The following ADD2 variants were observed in gnomAD, a reference collection of about 807,000 sequenced individuals.
The protein encoded by ADD2 is adducin 2.
Under a neutral mutation model 83.0 loss-of-function variants are expected in ADD2, and 23 were observed. That is an observed-to-expected ratio of 0.28 (90% CI 0.20 to 0.39). The LOEUF (loss-of-function observed/expected upper bound fraction) is 0.39. Ranked by LOEUF, ADD2 falls within the 10% of genes least tolerant of loss-of-function variation. The pLI, the probability that ADD2 is intolerant of heterozygous loss-of-function variation, is 1.00. For synonymous variants in ADD2, 375 were observed against 375.4 expected (o/e 1.00, Z 0.01); for missense variants, 758 against 944.9 (o/e 0.80, Z 2.59).
chr2:70,664,959 A>C (rs1477425816), intron 15 of ADD2, among the ~76,000 whole-genome samples: 3 of 150,568 alleles, frequency 2.0e-5, no homozygotes, highest in African/African-American at 7.3e-5. Context: ...AGTGCACATG[A>C]GCATATGCGA....
intron 14 of ADD2, among the ~76,000 whole-genome samples, chr2:70,674,474 T>C (rs1670037269): frequency 6.6e-6 from 1 of 152,226 alleles, no homozygotes; most frequent in Non-Finnish European, 1.5e-5. Context: ...AACTCCTTTA[T>C]GCCCGGTAAG....
Position 70,710,888 on chromosome 2 carries a change from T to C in ADD2, c.-35+2178A>G, listed in dbSNP as rs139465882. Among the ~76,000 whole-genome samples, 13 of 152,364 alleles carry C rather than the reference T, an allele frequency of 8.5e-5. No homozygotes were observed. The South Asian group carries it at 2.5e-3, about 29-fold the overall frequency. On this transcript the variant is annotated intron_variant, in intron 2 of 15. Coordinates refer to ENST00000264436, the MANE Select transcript of ADD2 (RefSeq NM_001617.4). ...AAGTGCTATTAACTATTTACTCTTA[T>C]CATGTGTGATTGAGGGGCTTAAGTC...
At chr2:70,731,269 A>G (rs1362838245) in intron 1 of ADD2, among the ~76,000 whole-genome samples, 1 of 151,992 alleles carries the variant, frequency 6.6e-6, no homozygotes, top group African/African-American at 2.4e-5. Context: ...CAGGGTCTAC[A>G]CAGGACTACC....
At chr2:70,764,172 G>A (rs1212355596) in intron 1 of ADD2, among the ~76,000 whole-genome samples, 1 of 151,778 alleles carries the variant, frequency 6.6e-6, no homozygotes, top group Non-Finnish European at 1.5e-5. Flanking sequence ...ACAGGCGTGA[G>A]CCACCGCGCC....
intron 1 of ADD2, among the ~76,000 whole-genome samples, chr2:70,730,604 A>T (rs535544051): frequency 1.4e-4 from 21 of 152,250 alleles, no homozygotes; most frequent in Non-Finnish European, 2.6e-4. Context: ...TCTTTGCCTG[A>T]AGTTCAATCA....
At position 70,727,932 on chromosome 2, in the gene ADD2, T is replaced by A. The variant is rs78780117; in HGVS notation, c.-153-14748A>T. The stretch of plus-strand genomic sequence containing the variant: ...ATAAATAAATAAATAAATAAATAAA[T>A]AAAATGCAGAATTGCCAGGGAAGAG... On this transcript the variant is annotated intron_variant, in intron 1 of 15. Coordinates refer to ENST00000264436, the MANE Select transcript of ADD2 (RefSeq NM_001617.4). Among the ~76,000 whole-genome samples the A allele has an allele frequency of 4.4e-3, 601 of 135,898 alleles. 5 individuals carry two copies. Among genetic ancestry groups the A allele is most frequent in the African/African-American group, 0.015 (562 of 36,942 alleles). The allele number at this position is 135,898 out of a possible 152,430, so 89.2% of individuals were successfully genotyped here.
At chr2:70,694,278 C>T (rs1277387800) in intron 6 of ADD2, among the ~76,000 whole-genome samples, 1 of 152,200 alleles carries the variant, frequency 6.6e-6, no homozygotes, top group Admixed American at 6.5e-5. Context: ...AGCAGGCCTA[C>T]TAAGCATAGA....
In ADD2 at chr2:70,662,469, G is replaced by GA. The variant is rs1403089689; in HGVS notation, c.*955dup. 2.4e-4 allele frequency: 36 copies of GA among 152,300 alleles called. No individual in the cohort carries two copies. The highest frequency in any genetic ancestry group is 8.2e-4 in the African/African-American group (34 of 41,540). 9.4% of individuals were successfully genotyped at this position (152,300 alleles called of 1,614,324 possible). On this transcript the variant is annotated 3_prime_UTR_variant, in exon 16 of 16. Coordinates refer to ENST00000264436, the MANE Select transcript of ADD2 (RefSeq NM_001617.4). ...TTCTGGGGGTGAGGGAAGGTCAGGG[G>GA]AAACCTGACCACTGGACAGGAGTGA...
At chr2:70,698,401 C>T (rs1422625578) in intron 4 of ADD2, among the ~76,000 whole-genome samples, 1 of 152,220 alleles carries the variant, frequency 6.6e-6, no homozygotes, top group African/African-American at 2.4e-5. Flanking sequence ...TCAAAAGGAG[C>T]TCCCGATCCC....
Position 70,674,745 on chromosome 2 carries a change from G to A in ADD2, c.1674C>T (p.Ser558=). The change falls in exon 14 of 16, where the codon AGC becomes AGT. Residue 558 remains serine, a synonymous_variant. Transcript: ENST00000264436. ...DSEETVPNPF[S]QLTDQELEEY... is the part of the protein sequence containing the mutation. ...CCTCCAACTCCTGGTCAGTGAGTTG[G>A]CTGAAGGGGTTGGGCACCGTCTCCT... The A allele has an allele frequency of 6.2e-7, 1 of 1,614,078 alleles. No individual in the cohort carries two copies. Among genetic ancestry groups the A allele is most frequent in the Admixed American group, 1.7e-5 (1 of 60,018 alleles).
intron 1 of ADD2, among the ~76,000 whole-genome samples, chr2:70,755,961 A>G (rs77032832): frequency 6.6e-6 from 1 of 151,502 alleles, no homozygotes; most frequent in African/African-American, 2.4e-5. Flanking sequence ...TGGGAGGCTG[A>G]GGCAGGAGAA....
In ADD2 at chr2:70,683,639, C is replaced by T. The variant is rs1405352677; in HGVS notation, c.1077G>A (p.Arg359=). ...GGGCCTCAAACTCATGCTCCCCCAG[C>T]CGACTCTTCTGCATAGGCCCAAAGG... ...GSTFGPMQKS[R]LGEHEFEALM... is the part of the protein sequence containing the mutation. Residue 359 remains arginine (R), a synonymous_variant, in exon 10 of 16, where the codon CGG becomes CGA. Coordinates refer to ENST00000264436, the MANE Select transcript of ADD2 (RefSeq NM_001617.4). The T allele has an allele frequency of 1.1e-5, 18 of 1,613,922 alleles. No homozygotes were observed. Among genetic ancestry groups the T allele is most frequent in the Non-Finnish European group, 1.4e-5 (17 of 1,179,938 alleles).
At chr2:70,704,284 C>CCCCCCAAAAAAAA in intron 4 of ADD2, 37 bp downstream of exon 4, 1 of 1,560,602 alleles carries the variant, frequency 6.4e-7, no homozygotes, top group Non-Finnish European at 8.7e-7. Context: ...CCCTCCCCTC[C>CCCCCCAAAAAAAA]ACCTCTGCTC....
At position 70,659,605 on chromosome 2, in the gene ADD2, G is replaced by A. The variant is rs1213242080; in HGVS notation, c.*3820C>T. The A allele has an allele frequency of 6.6e-6, 1 of 152,242 alleles. No individual in the cohort carries two copies. Among genetic ancestry groups the A allele is most frequent in the Admixed American group, 6.5e-5 (1 of 15,282 alleles). The allele number at this position is 152,242 out of a possible 1,614,324, so 9.4% of individuals were successfully genotyped here. A position where few individuals can be genotyped will look rare whatever the true frequency, so the allele number is the denominator to read the frequency against. On this transcript the variant is annotated 3_prime_UTR_variant, in exon 16 of 16. Coordinates refer to ENST00000264436, the MANE Select transcript of ADD2 (RefSeq NM_001617.4). ...AGGAAGAACCCTGTTTTAGTTATAG[G>A]AGAGTGGAGGGGGTCAACTGGCCAA...
chr2:70,668,226 C>G (rs1234243016), intron 15 of ADD2, among the ~76,000 whole-genome samples: 1 of 152,144 alleles, frequency 6.6e-6, no homozygotes, highest in Non-Finnish European at 1.5e-5. Context: ...CCTCTTATCT[C>G]TCTATATATC....
chr2:70,703,191 G>GA (rs1186641192), intron 4 of ADD2, among the ~76,000 whole-genome samples: 1 of 150,974 alleles, frequency 6.6e-6, no homozygotes, highest in Non-Finnish European at 1.5e-5. Flanking sequence ...GAAAGGAAAG[G>GA]AAGAAGAAAA....
In ADD2 at chr2:70,660,354, AACTC is replaced by A. The variant is rs1553364804; in HGVS notation, c.*3067_*3070del. On this transcript the variant is annotated 3_prime_UTR_variant, in exon 16 of 16. Transcript: ENST00000264436. ...TTATGGAAATAAATTTTGTGTTGGA[AACTC>A]ACTATCTGCTGTAGAGGAAACATCG... 6.6e-6 allele frequency: 1 copy of A among 152,226 alleles called. No homozygotes were observed. The highest frequency in any genetic ancestry group is 2.4e-5 in the African/African-American group (1 of 41,450). 9.4% of individuals were successfully genotyped at this position (152,226 alleles called of 1,614,324 possible).
intron 1 of ADD2, among the ~76,000 whole-genome samples, chr2:70,745,352 G>C (rs184619509): frequency 1.3e-5 from 2 of 152,272 alleles, no homozygotes; most frequent in Admixed American, 1.3e-4. Flanking sequence ...CTTGCTGTAG[G>C]GTTGTTGTTG....
intron 1 of ADD2, among the ~76,000 whole-genome samples, chr2:70,744,414 T>C (rs1674076306): frequency 6.6e-6 from 1 of 152,214 alleles, no homozygotes; most frequent in Admixed American, 6.5e-5. Flanking sequence ...TTTGTATAGC[T>C]GTATGTGTGG....
Sources: allele counts gnomAD v4.1 joint callset (sites outside exome capture counted in the v4.1 genomes callset), GRCh38; gene constraint gnomAD v4.1.1; transcripts MANE v1.5; gene names NCBI Gene and HGNC (gene_info 2026-07-23, HGNC 2026-07-21).